Variants in TENT4A observed in about 807,000 individuals in gnomAD.
The protein encoded by TENT4A is DNA polymerase kappa.
A neutral mutation model predicts 72.8 loss-of-function variants in TENT4A; 7 were observed. That is an observed-to-expected ratio of 0.10 (90% CI 0.05 to 0.18). The LOEUF is 0.18. Among genes scored for constraint, TENT4A ranks in the 10% least tolerant of loss-of-function variants. The probability of loss-of-function intolerance (pLI) is 1.00; values close to 1 mark genes in which losing one functional copy is unlikely to be tolerated. For missense variants in TENT4A, 831 were observed against 1,017.7 expected (o/e 0.82, Z 2.50); for synonymous variants, 456 against 434.3 (o/e 1.05, Z -0.62).
chr5:6,740,791 C>G (rs1171120274), intron 4 of TENT4A, among the ~76,000 whole-genome samples: 1 of 152,210 alleles, frequency 6.6e-6, no homozygotes, highest in Admixed American at 6.5e-5. Context: ...CCAGAAGGGG[C>G]TGTTGGCTCT....
Position 6,733,536 on chromosome 5 carries a change from A to G in TENT4A, c.717-3974A>G, listed in dbSNP as rs536867022. 8.5e-5 allele frequency among the ~76,000 whole-genome samples: 13 copies of G among 152,360 alleles called. No homozygotes were observed. The South Asian group carries it at 2.7e-3, about 32-fold the overall frequency. ...TGAGCAGAACTGAAATTGAGCTTTA[A>G]AAGATATTGATGACGGGTCTGTGGA... On this transcript the variant is annotated intron_variant, in intron 1 of 12. Coordinates refer to ENST00000230859, the MANE Select transcript of TENT4A (RefSeq NM_006999.6).
At chr5:6,734,431 C>T (rs1336184768) in intron 1 of TENT4A, among the ~76,000 whole-genome samples, 1 of 152,236 alleles carries the variant, frequency 6.6e-6, no homozygotes, top group Non-Finnish European at 1.5e-5. Context: ...ACCAGTCTCA[C>T]ACTGCCTCGT....
chr5:6,753,836 C>G (rs1256543698), intron 12 of TENT4A, among the ~76,000 whole-genome samples: 1 of 152,250 alleles, frequency 6.6e-6, no homozygotes, highest in Non-Finnish European at 1.5e-5. Flanking sequence ...AACATTTCCT[C>G]TTGGATTTAT....
intron 1 of TENT4A, 53 bp downstream of exon 1, chr5:6,714,752 G>T: frequency 2.8e-6 from 3 of 1,082,368 alleles, no homozygotes; most frequent in Non-Finnish European, 3.5e-6. Context: ...GGTCCTGGCC[G>T]GCGCCCGCGG....
intron 2 of TENT4A, among the ~76,000 whole-genome samples, chr5:6,738,083 A>C (rs1741603062): frequency 6.6e-6 from 1 of 151,536 alleles, no homozygotes; most frequent in Non-Finnish European, 1.5e-5. Flanking sequence ...ATCACACACC[A>C]CTCTTGCAGT....
Position 6,741,680 on chromosome 5 carries a change from C to T in TENT4A, c.1009-810C>T, listed in dbSNP as rs3797186. ...CTGGCATGTCCTCACACGCTGAGTC[C>T]TTGGTTGGTTGCCCTCAAGTGTAGA... On this transcript the variant is annotated intron_variant, in intron 4 of 12. Coordinates refer to ENST00000230859, the MANE Select transcript of TENT4A (RefSeq NM_006999.6). Among the ~76,000 whole-genome samples the T allele has an allele frequency of 1.6e-3, 245 of 152,356 alleles. 4 individuals carry two copies. The East Asian group carries it at 0.043, about 27-fold the overall frequency.
intron 12 of TENT4A, among the ~76,000 whole-genome samples, chr5:6,754,474 A>G (rs951359782): frequency 2.0e-5 from 3 of 152,124 alleles, no homozygotes; most frequent in African/African-American, 7.2e-5. Flanking sequence ...CTGGCTAGGG[A>G]CCTTCTTATT....
At chr5:6,753,158 G>T (rs1742508372) in intron 12 of TENT4A, 121 bp downstream of exon 12, 1 of 1,011,534 alleles carries the variant, frequency 9.9e-7, no homozygotes, top group Non-Finnish European at 1.4e-6. Context: ...AATTTGCTTT[G>T]TTGTCATTCA....
intron 1 of TENT4A, among the ~76,000 whole-genome samples, chr5:6,717,102 A>G (rs558818499): frequency 7.7e-4 from 117 of 152,294 alleles, no homozygotes; most frequent in Non-Finnish European, 1.4e-3. Flanking sequence ...TCATTTCCAC[A>G]TGGCCTGTTG....
At chr5:6,718,305 C>T (rs1442468375) in intron 1 of TENT4A, among the ~76,000 whole-genome samples, 2 of 152,184 alleles carry the variant, frequency 1.3e-5, no homozygotes, top group African/African-American at 2.4e-5. Flanking sequence ...AGCTTGGAGG[C>T]GCAACCAGGA....
chr5:6,718,381 A>T (rs560637084), intron 1 of TENT4A, among the ~76,000 whole-genome samples: 1 of 152,310 alleles, frequency 6.6e-6, no homozygotes, highest in African/African-American at 2.4e-5. Flanking sequence ...TGTCCGGAAC[A>T]TCCTTGTGAT....
intron 5 of TENT4A, among the ~76,000 whole-genome samples, chr5:6,742,957 G>C (rs1366613347): frequency 4.0e-5 from 6 of 151,774 alleles, no homozygotes; most frequent in Non-Finnish European, 8.8e-5. Context: ...TACTCACTTT[G>C]GGAGGTCTCA....
At chr5:6,742,356 C>A in intron 4 of TENT4A, 134 bp from the exon 5 acceptor site, 1 of 623,562 alleles carries the variant, frequency 1.6e-6, no homozygotes. Flanking sequence ...ACTACTGATG[C>A]TGACAGTGTT....
rs1265097749 is a variant in TENT4A, at chr5:6,755,037, C to T, written c.*92C>T. 46 of 1,179,430 alleles carry T rather than the reference C, an allele frequency of 3.9e-5. No individual in the cohort carries two copies. The highest frequency in any genetic ancestry group is 2.4e-4 in the Admixed American group (8 of 34,036). 73.1% of individuals were successfully genotyped at this position (1,179,430 alleles called of 1,614,324 possible). ...GGGGAACCGAGACCAGCACCCCGCA[C>T]GTCAGCCGGGCTCGCGGCACGCCCG... On this transcript the variant is annotated 3_prime_UTR_variant, in exon 13 of 13. Transcript: ENST00000230859.
intron 7 of TENT4A, among the ~76,000 whole-genome samples, chr5:6,746,847 C>T (rs751557558): frequency 2.0e-5 from 3 of 152,192 alleles, no homozygotes; most frequent in Admixed American, 6.5e-5. Flanking sequence ...CATCCCACAA[C>T]GCAAACACGT....
chr5:6,738,706 T>A lies in TENT4A; in HGVS notation c.864T>A (p.Ser288Arg), dbSNP rs1315411542. 2.5e-6 allele frequency: 4 copies of A among 1,613,392 alleles called. No individual in the cohort carries two copies. The highest frequency in any genetic ancestry group is 3.3e-4 in the Middle Eastern group (2 of 6,082). Residue 288 changes from serine to arginine, a missense_variant, in exon 3 of 13, where the codon AGT (serine) becomes AGA (arginine). By Grantham distance (110) the Ser-to-Arg change is moderately radical. This residue lies in a region of TENT4A where 197 missense variants were observed against 399.6 expected (regional missense o/e 0.49). Transcript: ENST00000230859. ...AGGTACAGATATTTGGCAGCTTTAG[T>A]ACAGGTCTTTATCTTCCAACTAGGT... ...TADVQIFGSF[S>R]TGLYLPTSDI... is the part of the protein sequence containing the mutation.
intron 6 of TENT4A, among the ~76,000 whole-genome samples, chr5:6,744,776 A>G (rs1741996457): frequency 6.6e-6 from 1 of 152,222 alleles, no homozygotes; most frequent in East Asian, 1.9e-4. Flanking sequence ...TGGCCCTTAT[A>G]TATAGCCTTT....
intron 1 of TENT4A, among the ~76,000 whole-genome samples, chr5:6,716,036 C>G (rs993395777): frequency 6.6e-6 from 1 of 152,166 alleles, no homozygotes; most frequent in Non-Finnish European, 1.5e-5. Context: ...CTGGAATGGA[C>G]TCCGTTTCTC....
intron 1 of TENT4A, among the ~76,000 whole-genome samples, chr5:6,728,183 T>C (rs559509290): frequency 1.6e-4 from 24 of 152,262 alleles, no homozygotes; most frequent in African/African-American, 5.3e-4. Flanking sequence ...CTCTGAGCTG[T>C]CTGTAGAATG....
Sources: gnomAD v4.1 joint callset for allele counts (sites outside exome capture counted in the v4.1 genomes callset) on GRCh38, gnomAD v4.1.1 for gene constraint, gnomAD v4.1.1 regional missense constraint, MANE v1.5 for transcripts, NCBI Gene and HGNC (gene_info 2026-07-23, HGNC 2026-07-21) for gene names.